FSTL5: variants seen among roughly 807,000 people sequenced by gnomAD.
The protein encoded by FSTL5 is follistatin-related protein 5.
Under a neutral mutation model 89.1 loss-of-function variants are expected in FSTL5, and 62 were observed. The ratio of observed to expected loss-of-function variants is 0.70; its 90% confidence interval spans 0.57 to 0.86. FSTL5 has a LOEUF of 0.86. Among genes scored for constraint, FSTL5 ranks in the 40% least tolerant of loss-of-function variants. The pLI is 0.00. For synonymous variants in FSTL5, 383 were observed against 346.2 expected (o/e 1.11, Z -1.18); for missense variants, 1,057 against 1,001.6 (o/e 1.06, Z -0.75).
chr4:161,697,283 C>T (rs1738203495), intron 6 of FSTL5, among the ~76,000 whole-genome samples: 2 of 152,276 alleles, frequency 1.3e-5, no homozygotes, highest in South Asian at 4.1e-4. Context: ...CTGTCCTGAT[C>T]ACTACAATTG....
intron 11 of FSTL5, among the ~76,000 whole-genome samples, chr4:161,508,886 C>T (rs79411040): frequency 0.011 from 1,695 of 152,180 alleles, 28 homozygotes; most frequent in African/African-American, 0.038. Context: ...CAGCAATTAA[C>T]CGTCAAAGCC....
At chr4:161,553,831 T>C (rs1207962990) in intron 8 of FSTL5, among the ~76,000 whole-genome samples, 1 of 151,530 alleles carries the variant, frequency 6.6e-6, no homozygotes, top group Non-Finnish European at 1.5e-5. Flanking sequence ...CAGAGCAGTA[T>C]TAATAATGCA....
intron 3 of FSTL5, among the ~76,000 whole-genome samples, chr4:161,970,274 G>A (rs909374507): frequency 1.3e-5 from 2 of 151,966 alleles, no homozygotes; most frequent in African/African-American, 4.8e-5. Flanking sequence ...TAAAATCACA[G>A]GACTCATTCT....
chr4:161,418,408 G>A (rs150797137), intron 15 of FSTL5, among the ~76,000 whole-genome samples: 480 of 152,238 alleles, frequency 3.2e-3, no homozygotes, highest in African/African-American at 0.011. Context: ...CACTCAGCGA[G>A]CCCACCTTAT....
intron 3 of FSTL5, among the ~76,000 whole-genome samples, chr4:161,957,539 C>T (rs1414392690): frequency 6.6e-6 from 1 of 151,994 alleles, no homozygotes; most frequent in Non-Finnish European, 1.5e-5. Flanking sequence ...TGTTCTCCTG[C>T]TACTCTTGCT....
At chr4:161,505,412 G>C (rs1578884125) in intron 11 of FSTL5, among the ~76,000 whole-genome samples, 1 of 152,264 alleles carries the variant, frequency 6.6e-6, no homozygotes, top group Middle Eastern at 3.4e-3. Context: ...TTAGGAGTGA[G>C]TGTGTCAAGC....
intron 3 of FSTL5, among the ~76,000 whole-genome samples, chr4:161,954,624 T>C (rs1734980732): frequency 6.6e-6 from 1 of 151,668 alleles, no homozygotes; most frequent in South Asian, 2.1e-4. Context: ...ATCACCTATC[T>C]GTCTATCATC....
chr4:161,755,839 T>A (rs1223039840), intron 6 of FSTL5, among the ~76,000 whole-genome samples: 1 of 152,116 alleles, frequency 6.6e-6, no homozygotes, highest in Non-Finnish European at 1.5e-5. Context: ...TTTTTATTCA[T>A]GATACCTTAG....
intron 7 of FSTL5, among the ~76,000 whole-genome samples, chr4:161,608,915 A>G (rs932145044): frequency 3.9e-5 from 6 of 152,096 alleles, no homozygotes; most frequent in Non-Finnish European, 5.9e-5. Context: ...GTTGCCTGGT[A>G]TATATATTCC....
intron 3 of FSTL5, among the ~76,000 whole-genome samples, chr4:161,927,504 T>G (rs1241145493): frequency 6.6e-6 from 1 of 151,706 alleles, no homozygotes; most frequent in African/African-American, 2.4e-5. Flanking sequence ...ATATGGTTAA[T>G]ATATTTTTTA....
At chr4:161,866,481 T>TGTGTGC (rs1378490626) in intron 4 of FSTL5, among the ~76,000 whole-genome samples, 2 of 150,356 alleles carry the variant, frequency 1.3e-5, no homozygotes, top group Non-Finnish European at 3.0e-5. Context: ...TGTGTGTGTG[T>TGTGTGC]GTGTGTGTGT....
At chr4:162,051,814 C>T (rs1738387256) in intron 2 of FSTL5, among the ~76,000 whole-genome samples, 2 of 150,558 alleles carry the variant, frequency 1.3e-5, no homozygotes, top group Admixed American at 6.6e-5. Flanking sequence ...TCATGGAGCG[C>T]TGAAAAAAAA....
At chr4:162,065,639 G>T in intron 2 of FSTL5, among the ~76,000 whole-genome samples, 2 of 151,808 alleles carry the variant, frequency 1.3e-5, no homozygotes, top group Non-Finnish European at 2.9e-5. Flanking sequence ...AGCCATTATA[G>T]AAAAAGGTGT....
rs192216640 is a variant in FSTL5 at position 162,018,179 on chromosome 4, A to G, written c.160+15446T>C. ...TGTTTTTAATTTTCCTAGGGGGTAA[A>G]TGGTAGAAAGGGCATGTGGTTAGGA... is the stretch of plus-strand genomic sequence containing the variant. On this transcript the variant is annotated intron_variant, in intron 3 of 15. Transcript: ENST00000306100. Among the ~76,000 whole-genome samples the G allele has an allele frequency of 2.5e-3, 380 of 152,186 alleles. 1 individual carries two copies. Among genetic ancestry groups the G allele is most frequent in the African/African-American group, 8.8e-3 (364 of 41,528 alleles).
chr4:162,001,780 GC>G (rs1454998862), intron 3 of FSTL5, among the ~76,000 whole-genome samples: 1 of 152,106 alleles, frequency 6.6e-6, no homozygotes, highest in Non-Finnish European at 1.5e-5. Context: ...CCTTATTAGG[GC>G]CAAAGTCACA....
chr4:161,813,036 T>TG, intron 4 of FSTL5, among the ~76,000 whole-genome samples: 1 of 151,766 alleles, frequency 6.6e-6, no homozygotes, highest in East Asian at 2.0e-4. Flanking sequence ...ATCCCTTTTT[T>TG]TTTTTTTTGA....
intron 9 of FSTL5, among the ~76,000 whole-genome samples, chr4:161,540,393 C>G (rs1731778715): frequency 6.6e-6 from 1 of 151,774 alleles, no homozygotes; most frequent in Non-Finnish European, 1.5e-5. Context: ...TTGATGTTTC[C>G]CATCATAATA....
At chr4:161,822,268 C>G (rs1358411083) in intron 4 of FSTL5, among the ~76,000 whole-genome samples, 2 of 152,154 alleles carry the variant, frequency 1.3e-5, no homozygotes, top group Non-Finnish European at 2.9e-5. Flanking sequence ...GTGCCTTTGC[C>G]TGAGTTTTGC....
intron 6 of FSTL5, among the ~76,000 whole-genome samples, chr4:161,657,099 T>A (rs1266795887): frequency 6.6e-6 from 1 of 152,224 alleles, no homozygotes; most frequent in South Asian, 2.1e-4. Context: ...ATATTTTAAC[T>A]AACCAGTGTG....
Sources: gnomAD v4.1 joint callset for allele counts (sites outside exome capture counted in the v4.1 genomes callset) on GRCh38, gnomAD v4.1.1 for gene constraint, MANE v1.5 for transcripts, NCBI Gene and HGNC (gene_info 2026-07-23, HGNC 2026-07-21) for gene names.